Variants in TYW1B observed in about 807,000 individuals in gnomAD.
TYW1B encodes S-adenosyl-L-methionine-dependent tRNA 4-demethylwyosine synthase TYW1B.
TYW1B carries 73 observed loss-of-function variants against 86.9 expected under a neutral mutation model. The observed-to-expected ratio is 0.84, with a 90% CI of 0.70 to 1.02. The LOEUF (loss-of-function observed/expected upper bound fraction) is 1.02. Among genes scored for constraint, TYW1B ranks in the 50% least tolerant of loss-of-function variants. TYW1B has a pLI of 0.00. For synonymous variants in TYW1B, 248 were observed against 292.8 expected (o/e 0.85, Z 1.56); for missense variants, 637 against 827.4 (o/e 0.77, Z 2.82).
chr7:72,675,347 C>T (rs189818992), intron 11 of TYW1B, among the ~76,000 whole-genome samples: 134 of 151,666 alleles, frequency 8.8e-4, no homozygotes, highest in Admixed American at 1.5e-3. Context: ...TGCAGTGAGC[C>T]GAGACTGTGC....
intron 11 of TYW1B, among the ~76,000 whole-genome samples, chr7:72,650,067 T>TG (rs1327314889): frequency 6.6e-5 from 8 of 121,952 alleles, no homozygotes; most frequent in African/African-American, 2.2e-4. Flanking sequence ...TTTTTTTTGT[T>TG]GGTTTTTTTT....
At chr7:72,714,892 G>A (rs1786749090) in intron 9 of TYW1B, among the ~76,000 whole-genome samples, 1 of 152,184 alleles carries the variant, frequency 6.6e-6, no homozygotes, top group Non-Finnish European at 1.5e-5. Context: ...ACTCCAGCCT[G>A]GGCAACAGAG....
chr7:72,596,673 G>C (rs754623821), intron 13 of TYW1B, among the ~76,000 whole-genome samples: 11 of 152,064 alleles, frequency 7.2e-5, no homozygotes, highest in Non-Finnish European at 1.5e-4. Context: ...AAAATTATAA[G>C]ACTCTTAGAA....
intron 3 of TYW1B, 142 bp from the exon 4 acceptor site, chr7:72,810,807 C>T: frequency 1.6e-6 from 2 of 1,221,284 alleles, no homozygotes; most frequent in East Asian, 5.1e-5. Context: ...AAGTGAAGGG[C>T]CTGACTAAGA....
chr7:72,740,260 T>C lies in TYW1B; in HGVS notation c.1082+4224A>G, dbSNP rs1787279135. Among the ~76,000 whole-genome samples, 3 of 151,506 alleles carry C rather than the reference T, an allele frequency of 2.0e-5. No homozygotes were observed. In the South Asian group the frequency reaches 6.3e-4, roughly 32 times the overall value. On this transcript the variant is annotated intron_variant, in intron 8 of 13. Transcript: ENST00000620995. Reference sequence around the variant, plus strand: ...AAAAAAGAAAAAAAAATTAGCCAGGTGTAGTAGCACACACCTGTAATCCTA... The same window carrying C: ...AAAAAAGAAAAAAAAATTAGCCAGGCGTAGTAGCACACACCTGTAATCCTA...
At chr7:72,650,792 G>C (rs1353598282) in intron 11 of TYW1B, among the ~76,000 whole-genome samples, 2 of 152,140 alleles carry the variant, frequency 1.3e-5, no homozygotes, top group Non-Finnish European at 2.9e-5. Flanking sequence ...TTCAGAAAGA[G>C]AGCCAACCTA....
chr7:72,716,341 G>A (rs1269587769), intron 9 of TYW1B, among the ~76,000 whole-genome samples: 5 of 152,214 alleles, frequency 3.3e-5, no homozygotes, highest in South Asian at 2.1e-4. Flanking sequence ...AGGCCTTAGC[G>A]GAGTGTCTGG....
At chr7:72,720,812 A>C (rs1374012490) in intron 9 of TYW1B, among the ~76,000 whole-genome samples, 1 of 152,112 alleles carries the variant, frequency 6.6e-6, no homozygotes, top group Non-Finnish European at 1.5e-5. Context: ...GGTTTGTTAC[A>C]TATGTAAACA....
intron 11 of TYW1B, among the ~76,000 whole-genome samples, chr7:72,636,996 G>C (rs1554440846): frequency 6.6e-6 from 1 of 152,104 alleles, no homozygotes; most frequent in Non-Finnish European, 1.5e-5. Context: ...CACCAACATG[G>C]AGAAACCCCA....
At chr7:72,575,755 A>C in intron 13 of TYW1B, 36 bp from the exon 14 acceptor site, 2 of 1,584,746 alleles carry the variant, frequency 1.3e-6, no homozygotes, top group East Asian at 2.2e-5. Context: ...CAGAAGTAAA[A>C]ACATCCCTAG....
intron 11 of TYW1B, among the ~76,000 whole-genome samples, chr7:72,694,469 A>T (rs1554451010): frequency 6.6e-6 from 1 of 152,238 alleles, no homozygotes; most frequent in Non-Finnish European, 1.5e-5. Context: ...ATTGTGCTAC[A>T]AACTTAAGAA....
At chr7:72,705,475 G>A (rs1398647219) in intron 10 of TYW1B, among the ~76,000 whole-genome samples, 7 of 152,180 alleles carry the variant, frequency 4.6e-5, no homozygotes, top group Non-Finnish European at 8.8e-5. Context: ...AGTTAATCAT[G>A]TCATAGTTAA....
chr7:72,727,055 C>T (rs1323066974), intron 9 of TYW1B, among the ~76,000 whole-genome samples: 1 of 152,098 alleles, frequency 6.6e-6, no homozygotes, highest in Non-Finnish European at 1.5e-5. Flanking sequence ...ACCGGTCTCT[C>T]TCGACGCATA....
chr7:72,611,041 T>C lies in TYW1B; in HGVS notation c.1785+5631A>G, dbSNP rs150600006. Among the ~76,000 whole-genome samples, 641 of 152,278 alleles carry C rather than the reference T, an allele frequency of 4.2e-3. 3 individuals carry two copies. Among genetic ancestry groups the C allele is most frequent in the African/African-American group, 0.015 (609 of 41,564 alleles). ...TTGACCTTCAGCCATCCCAAACTAC[T>C]TGTGGTTCTCAATGTGCCATGTCTC... On this transcript the variant is annotated intron_variant, in intron 13 of 13. Coordinates refer to ENST00000620995, the MANE Select transcript of TYW1B (RefSeq NM_001145440.3).
intron 13 of TYW1B, among the ~76,000 whole-genome samples, chr7:72,608,659 C>A (rs1563028410): frequency 6.6e-6 from 1 of 152,200 alleles, no homozygotes; most frequent in Non-Finnish European, 1.5e-5. Flanking sequence ...TATAATGATA[C>A]ACGCAGGTTG....
intron 7 of TYW1B, among the ~76,000 whole-genome samples, chr7:72,749,158 T>C (rs1448378388): frequency 7.2e-5 from 11 of 152,222 alleles, no homozygotes; most frequent in Non-Finnish European, 1.0e-4. Flanking sequence ...TAATAAGTTA[T>C]AGTTTTTGAG....
At chr7:72,681,092 G>A (rs1383049096) in intron 11 of TYW1B, among the ~76,000 whole-genome samples, 1 of 152,146 alleles carries the variant, frequency 6.6e-6, no homozygotes, top group Non-Finnish European at 1.5e-5. Context: ...TGAGTCCCTT[G>A]CCCAAAATTA....
intron 9 of TYW1B, among the ~76,000 whole-genome samples, chr7:72,717,172 A>G (rs1391547487): frequency 6.6e-6 from 1 of 151,888 alleles, no homozygotes; most frequent in Non-Finnish European, 1.5e-5. Flanking sequence ...GTGGTGGTGC[A>G]TGCTCGTAGG....
intron 8 of TYW1B, among the ~76,000 whole-genome samples, chr7:72,729,539 C>T (rs540794338): frequency 6.6e-6 from 1 of 152,228 alleles, no homozygotes; most frequent in South Asian, 2.1e-4. Context: ...GATTACAATG[C>T]CATAACCCAA....
Sources: gnomAD v4.1 joint callset for allele counts (sites outside exome capture counted in the v4.1 genomes callset) on GRCh38, gnomAD v4.1.1 for gene constraint, MANE v1.5 for transcripts, NCBI Gene and HGNC (gene_info 2026-07-23, HGNC 2026-07-21) for gene names.